Variants in RFTN2 observed in about 807,000 individuals in gnomAD.
RFTN2 encodes raftlin-2.
In RFTN2, 34 loss-of-function variants were observed where a neutral mutation model predicts 52.7. That is an observed-to-expected ratio of 0.64 (90% CI 0.49 to 0.86). RFTN2 has a LOEUF of 0.86. Ranked by LOEUF, RFTN2 falls within the 40% of genes least tolerant of loss-of-function variation. RFTN2 has a pLI of 0.00. For synonymous variants in RFTN2, 203 were observed against 217.7 expected (o/e 0.93, Z 0.59); for missense variants, 536 against 600.1 (o/e 0.89, Z 1.12).
chr2:197,647,246 A>G (rs962612706), intron 1 of RFTN2, among the ~76,000 whole-genome samples: 7 of 151,904 alleles, frequency 4.6e-5, no homozygotes, highest in Non-Finnish European at 7.4e-5. Context: ...TTTTTGAGAG[A>G]GGGTCTCACT....
intron 8 of RFTN2, among the ~76,000 whole-genome samples, chr2:197,591,004 A>C (rs572025247): frequency 2.0e-5 from 3 of 152,168 alleles, no homozygotes; most frequent in African/African-American, 7.2e-5. Flanking sequence ...ATCTGGCCCC[A>C]CCCACATCCT....
intron 5 of RFTN2, among the ~76,000 whole-genome samples, chr2:197,630,779 C>T (rs2088455998): frequency 6.6e-6 from 1 of 152,158 alleles, no homozygotes; most frequent in South Asian, 2.1e-4. Flanking sequence ...TACAACCCAA[C>T]AGTGAACATT....
In RFTN2 at chr2:197,634,556, C is replaced by A. The variant is rs187083357; in HGVS notation, c.439-559G>T. Among the ~76,000 whole-genome samples, 175 of 152,142 alleles carry A rather than the reference C, an allele frequency of 1.2e-3. 1 individual carries two copies. The highest frequency in any genetic ancestry group is 3.4e-3 in the Middle Eastern group (1 of 294). ...ACAAAGCTTTCTGATCGGCTTATGT[C>A]TTTATGGTATTGTCTCCTATGTGGG... On this transcript the variant is annotated intron_variant, in intron 3 of 8. Coordinates refer to ENST00000295049, the MANE Select transcript of RFTN2 (RefSeq NM_144629.3).
intron 8 of RFTN2, among the ~76,000 whole-genome samples, chr2:197,589,933 G>T (rs1016752250): frequency 6.6e-6 from 1 of 151,906 alleles, no homozygotes; most frequent in African/African-American, 2.4e-5. Context: ...TTGAGACAAG[G>T]TCTCACTCTG....
At chr2:197,628,777 C>CTG in intron 5 of RFTN2, among the ~76,000 whole-genome samples, 1 of 152,210 alleles carries the variant, frequency 6.6e-6, no homozygotes, top group Non-Finnish European at 1.5e-5. Flanking sequence ...TTCTGGGAGT[C>CTG]ACTTTACATT....
chr2:197,583,442 G>A lies in RFTN2; in HGVS notation c.1234-11162C>T, dbSNP rs573300744. Among the ~76,000 whole-genome samples the A allele has an allele frequency of 1.0e-3, 152 of 152,108 alleles. 2 individuals carry two copies. Among genetic ancestry groups the A allele is most frequent in the South Asian group, 2.5e-3 (12 of 4,820 alleles). ...TGGCCTTTCCACCTTTATACATTCC[G>A]ATAATGGACCGGCCATTCTAGTCAA... On this transcript the variant is annotated intron_variant, in intron 8 of 8. Transcript: ENST00000295049.
intron 8 of RFTN2, among the ~76,000 whole-genome samples, chr2:197,589,519 G>A (rs1159774941): frequency 2.0e-5 from 3 of 152,106 alleles, no homozygotes; most frequent in Non-Finnish European, 4.4e-5. Context: ...ATTCTCCCCA[G>A]TTCTTGGTAT....
intron 7 of RFTN2, among the ~76,000 whole-genome samples, chr2:197,596,455 C>T (rs544839427): frequency 2.5e-4 from 38 of 152,284 alleles, no homozygotes; most frequent in Admixed American, 2.0e-3. Flanking sequence ...CTATGCCCTT[C>T]ACTGAATGCT....
intron 1 of RFTN2, among the ~76,000 whole-genome samples, chr2:197,668,466 G>T (rs185916992): frequency 3.0e-4 from 45 of 152,270 alleles, no homozygotes; most frequent in African/African-American, 1.1e-3. Flanking sequence ...TGATGCTTGT[G>T]CCTCGGCCTC....
chr2:197,589,943 G>C (rs980560965), intron 8 of RFTN2, among the ~76,000 whole-genome samples: 23 of 152,140 alleles, frequency 1.5e-4, no homozygotes, highest in African/African-American at 5.5e-4. Context: ...GTCTCACTCT[G>C]TTGCTCAGGC....
At chr2:197,661,647 G>GAT (rs1370304666) in intron 1 of RFTN2, among the ~76,000 whole-genome samples, 1 of 152,116 alleles carries the variant, frequency 6.6e-6, no homozygotes, top group African/African-American at 2.4e-5. Context: ...CCTTTGGATA[G>GAT]ATACCTAGTA....
chr2:197,622,080 C>G (rs933248713), intron 5 of RFTN2, among the ~76,000 whole-genome samples: 15 of 152,306 alleles, frequency 9.8e-5, no homozygotes, highest in African/African-American at 3.1e-4. Context: ...GATCCTAACT[C>G]TCTTCCATTC....
intron 5 of RFTN2, among the ~76,000 whole-genome samples, chr2:197,629,611 TAAA>T (rs2088427225): frequency 6.7e-6 from 1 of 150,092 alleles, no homozygotes; most frequent in Non-Finnish European, 1.5e-5. Context: ...AAAAAATAAA[TAAA>T]AGACCAAGTG....
chr2:197,580,972 G>A (rs755347770), intron 8 of RFTN2, among the ~76,000 whole-genome samples: 8 of 152,002 alleles, frequency 5.3e-5, no homozygotes, highest in East Asian at 3.9e-4. Context: ...AACCTCCTTC[G>A]TGTCTTCCTC....
chr2:197,578,454 C>A (rs2106164197), intron 8 of RFTN2, among the ~76,000 whole-genome samples: 1 of 152,204 alleles, frequency 6.6e-6, no homozygotes. Context: ...ATCCAGATGG[C>A]CCAAAGTAAC....
At chr2:197,590,808 C>T (rs10170166) in intron 8 of RFTN2, among the ~76,000 whole-genome samples, 6,054 of 152,236 alleles carry the variant, frequency 0.04, 387 homozygotes, top group African/African-American at 0.14. Flanking sequence ...CGTGGTCTGG[C>T]TGGCTTCAGG....
rs192761827 is a variant in RFTN2, at chr2:197,587,934, A to G, written c.1233+8057T>C. 1.9e-4 allele frequency: 87 copies of G among 459,694 alleles called. No homozygotes were observed. In the East Asian group the frequency reaches 5.9e-3, roughly 31 times the overall value. The allele number at this position is 459,694 out of a possible 1,614,324, so 28.5% of individuals were successfully genotyped here. A position where few individuals can be genotyped will look rare whatever the true frequency, so the allele number is the denominator to read the frequency against. On this transcript the variant is annotated intron_variant, in intron 8 of 8. Transcript: ENST00000295049. ...GGTGGGGCCCAGACCCAGAAAGAAA[A>G]CAGGATTTGTCCAAGGTCATGAATA...
At chr2:197,646,385 G>T in intron 2 of RFTN2, 98 bp downstream of exon 2, 1 of 902,124 alleles carries the variant, frequency 1.1e-6, no homozygotes, top group Non-Finnish European at 1.7e-6. Flanking sequence ...AAACCCCCAT[G>T]TGTCCTTTAT....
At chr2:197,655,285 G>A (rs1246727205) in intron 1 of RFTN2, among the ~76,000 whole-genome samples, 3 of 152,166 alleles carry the variant, frequency 2.0e-5, no homozygotes, top group Admixed American at 2.0e-4. Context: ...TTCTGGTGAT[G>A]TCAGAAAAAT....
Sources: allele counts gnomAD v4.1 joint callset (sites outside exome capture counted in the v4.1 genomes callset), GRCh38; gene constraint gnomAD v4.1.1; transcripts MANE v1.5; gene names NCBI Gene and HGNC (gene_info 2026-07-23, HGNC 2026-07-21).